The following TPD52 variants were observed in gnomAD, a reference collection of about 807,000 sequenced individuals.
TPD52 encodes the protein prostate and colon associated protein.
A neutral mutation model predicts 31.3 loss-of-function variants in TPD52; 17 were observed. That is an observed-to-expected ratio of 0.54 (90% confidence interval 0.37 to 0.82). The LOEUF (loss-of-function observed/expected upper bound fraction) is 0.82. Among genes scored for constraint, TPD52 ranks in the 40% least tolerant of loss-of-function variants. TPD52 has a pLI of 0.00. For synonymous variants in TPD52, 83 were observed against 89.6 expected (o/e 0.93, Z 0.42); for missense variants, 212 against 240.1 (o/e 0.88, Z 0.77).
chr8:80,145,687 A>T (rs1810144420), intron 1 of TPD52, among the ~76,000 whole-genome samples: 1 of 152,202 alleles, frequency 6.6e-6, no homozygotes, highest in Non-Finnish European at 1.5e-5. Context: ...GGAATATGTA[A>T]TATAGACATC....
chr8:80,159,590 C>A (rs935056559), intron 1 of TPD52, among the ~76,000 whole-genome samples: 18 of 152,182 alleles, frequency 1.2e-4, no homozygotes, highest in African/African-American at 4.3e-4. Flanking sequence ...TCCCTTCATG[C>A]CCTGTTTCAT....
chr8:80,066,250 T>C (rs1298815654), intron 1 of TPD52, among the ~76,000 whole-genome samples: 1 of 152,206 alleles, frequency 6.6e-6, no homozygotes, highest in Non-Finnish European at 1.5e-5. Context: ...ACAAAGGCAC[T>C]TGGTACAGGC....
At chr8:80,070,681 C>T (rs867839990) in intron 1 of TPD52, among the ~76,000 whole-genome samples, 4 of 152,104 alleles carry the variant, frequency 2.6e-5, no homozygotes, top group Non-Finnish European at 4.4e-5. Context: ...ACCACCTGGG[C>T]GTTGGGGATC....
At chr8:80,050,374 T>C (rs1717243938) in intron 5 of TPD52, 71 bp downstream of exon 5, 6 of 1,453,770 alleles carry the variant, frequency 4.1e-6, no homozygotes, top group South Asian at 3.9e-5. Flanking sequence ...CAACGTAGCA[T>C]GGTAATCTAA....
chr8:80,065,386 G>C (rs889075927), intron 1 of TPD52, among the ~76,000 whole-genome samples: 4 of 151,648 alleles, frequency 2.6e-5, no homozygotes, highest in Non-Finnish European at 5.9e-5. Context: ...GCCACACAGA[G>C]ACATTCTACA....
At chr8:80,143,638 A>G (rs1408103740) in intron 1 of TPD52, among the ~76,000 whole-genome samples, 2 of 152,196 alleles carry the variant, frequency 1.3e-5, no homozygotes, top group South Asian at 2.1e-4. Flanking sequence ...TTTAAGCTTC[A>G]TAGTTTAACA....
chr8:80,156,826 T>C (rs913400232), intron 1 of TPD52, among the ~76,000 whole-genome samples: 3 of 151,736 alleles, frequency 2.0e-5, no homozygotes, highest in Non-Finnish European at 4.4e-5. Context: ...TGGTGGATAA[T>C]GCTGAGAGAT....
At chr8:80,038,409 A>G (rs1036361440) in intron 7 of TPD52, among the ~76,000 whole-genome samples, 174 bp from the exon 8 acceptor site, 2 of 152,226 alleles carry the variant, frequency 1.3e-5, no homozygotes, top group African/African-American at 4.8e-5. Flanking sequence ...GTGGTTTTAT[A>G]GTAAAACTCA....
At chr8:80,148,701 G>A (rs954882060) in intron 1 of TPD52, among the ~76,000 whole-genome samples, 16 of 152,074 alleles carry the variant, frequency 1.1e-4, no homozygotes. Context: ...GGGGTTTGGG[G>A]AACATCAGTT....
At chr8:80,063,784 G>A (rs746534647) in intron 2 of TPD52, among the ~76,000 whole-genome samples, 6 of 151,412 alleles carry the variant, frequency 4.0e-5, no homozygotes, top group African/African-American at 1.2e-4. Flanking sequence ...GCAACAGAGC[G>A]AGACTCCATC....
At chr8:80,160,989 G>A (rs1426472268) in intron 1 of TPD52, among the ~76,000 whole-genome samples, 3 of 151,796 alleles carry the variant, frequency 2.0e-5, no homozygotes, top group Admixed American at 6.6e-5. Context: ...TTGAGCCTGG[G>A]AGGCAGAAGT....
intron 1 of TPD52, among the ~76,000 whole-genome samples, chr8:80,088,752 T>G (rs548530762): frequency 6.6e-6 from 1 of 152,126 alleles, no homozygotes; most frequent in Non-Finnish European, 1.5e-5. Context: ...AACAGGGTCA[T>G]AGGGTGAGGC....
chr8:80,137,236 G>T, intron 1 of TPD52, among the ~76,000 whole-genome samples: 1 of 152,322 alleles, frequency 6.6e-6, no homozygotes, highest in Non-Finnish European at 1.5e-5. Flanking sequence ...AATAGACACA[G>T]GGTGATGAAA....
At chr8:80,074,975 A>AT (rs1210490164) in intron 1 of TPD52, among the ~76,000 whole-genome samples, 6 of 151,918 alleles carry the variant, frequency 3.9e-5, no homozygotes, top group Non-Finnish European at 7.4e-5. Flanking sequence ...TGTCTGGGTT[A>AT]TTTTTTATTT....
At chr8:80,136,630 C>T (rs2131116516) in intron 1 of TPD52, among the ~76,000 whole-genome samples, 1 of 146,858 alleles carries the variant, frequency 6.8e-6, no homozygotes, top group East Asian at 2.1e-4. Flanking sequence ...CTTAAAAAAA[C>T]ACTTGGTCAA....
chr8:80,070,876 C>A (rs1813697123), intron 1 of TPD52, among the ~76,000 whole-genome samples: 1 of 152,158 alleles, frequency 6.6e-6, no homozygotes, highest in Admixed American at 6.5e-5. Flanking sequence ...TATTTGGAAA[C>A]AGGATTTCTG....
rs78883246 is a variant in TPD52, at chr8:80,083,301, G to A, written c.20-18708C>T. Among the ~76,000 whole-genome samples, 579 of 152,282 alleles carry A rather than the reference G, an allele frequency of 3.8e-3. 4 individuals are homozygous for A. Among genetic ancestry groups the A allele is most frequent in the African/African-American group, 0.013 (540 of 41,538 alleles). On this transcript the variant is annotated intron_variant, in intron 1 of 7. Coordinates refer to ENST00000518937, the MANE Select transcript of TPD52 (RefSeq NM_001025253.3). Reference sequence around the variant, plus strand: ...GCAGGCATAAAGAGGCTAAAAGAGAGAGGACTCAGAAAGAGGCTATGGGTA... The same window carrying A: ...GCAGGCATAAAGAGGCTAAAAGAGAAAGGACTCAGAAAGAGGCTATGGGTA...
At chr8:80,085,093 A>G (rs1387971460) in intron 1 of TPD52, among the ~76,000 whole-genome samples, 1 of 152,262 alleles carries the variant, frequency 6.6e-6, no homozygotes, top group Non-Finnish European at 1.5e-5. Context: ...TGTATGGTCC[A>G]TGTTTGTGTA....
intron 2 of TPD52, among the ~76,000 whole-genome samples, chr8:80,062,375 C>T (rs1423246373): frequency 3.3e-5 from 5 of 152,096 alleles, no homozygotes; most frequent in African/African-American, 7.2e-5. Flanking sequence ...AAACCATATA[C>T]GCTAATTAAC....
Sources: gnomAD v4.1 joint callset for allele counts (sites outside exome capture counted in the v4.1 genomes callset) on GRCh38, gnomAD v4.1.1 for gene constraint, MANE v1.5 for transcripts, NCBI Gene and HGNC (gene_info 2026-07-23, HGNC 2026-07-21) for gene names.